PTPRM: variants seen among roughly 807,000 people sequenced by gnomAD.
PTPRM encodes the protein protein tyrosine phosphatase receptor type M, also known as receptor-type tyrosine-protein phosphatase mu.
In PTPRM, 47 loss-of-function variants were observed where a neutral mutation model predicts 186.7. The observed-to-expected ratio is 0.25, with a 90% CI of 0.20 to 0.32. The LOEUF is 0.32. Among genes scored for constraint, PTPRM ranks in the 10% least tolerant of loss-of-function variants. The pLI is 1.00. For missense variants in PTPRM, 1,494 were observed against 1,865.0 expected, an observed-to-expected ratio of 0.80 and a Z score of 3.66; for synonymous variants, 668 against 674.9, an observed-to-expected ratio of 0.99 and a Z score of 0.16.
intron 1 of PTPRM, among the ~76,000 whole-genome samples, chr18:7,719,605 G>A (rs1373333024): frequency 6.6e-6 from 1 of 152,110 alleles, no homozygotes; most frequent in Non-Finnish European, 1.5e-5. Context: ...AATTCATTAG[G>A]TGTAGATAAA....
chr18:7,819,921 C>A (rs2045090332), intron 2 of PTPRM, among the ~76,000 whole-genome samples: 1 of 152,184 alleles, frequency 6.6e-6, no homozygotes, highest in South Asian at 2.1e-4. Context: ...GGGAAGCAGA[C>A]CCCTCCATGA....
chr18:7,761,898 CAG>C (rs1025452073), intron 1 of PTPRM, among the ~76,000 whole-genome samples: 5 of 152,232 alleles, frequency 3.3e-5, no homozygotes, highest in South Asian at 2.1e-4. Flanking sequence ...TTGATGTAGC[CAG>C]AGTGTTCAGT....
chr18:7,984,598 T>TAC (rs1426131645), intron 7 of PTPRM, among the ~76,000 whole-genome samples: 199 of 115,090 alleles, frequency 1.7e-3, no homozygotes, highest in African/African-American at 2.9e-3. Flanking sequence ...TATATATATA[T>TAC]ATATACACAC....
chr18:7,674,513 T>A (rs937777915), intron 1 of PTPRM, among the ~76,000 whole-genome samples: 1 of 152,050 alleles, frequency 6.6e-6, no homozygotes, highest in Non-Finnish European at 1.5e-5. Context: ...GGAGTGAATT[T>A]GCAGCACTCT....
chr18:7,918,762 T>A (rs550063276), intron 4 of PTPRM, among the ~76,000 whole-genome samples: 1 of 152,212 alleles, frequency 6.6e-6, no homozygotes, highest in East Asian at 1.9e-4. Context: ...CTTCACTTTG[T>A]TGATTGTTTC....
rs145851696 is a variant in PTPRM, at chr18:8,359,381, G to T, written c.3055-11509G>T. Reference sequence around the variant, plus strand: ...TGAGCCTATGGAGACACCTGTGCCTGGGCACCTGCCTCCATGGTCACCCCT... The same window carrying T: ...TGAGCCTATGGAGACACCTGTGCCTTGGCACCTGCCTCCATGGTCACCCCT... On this transcript the variant is annotated intron_variant, in intron 23 of 32. Coordinates refer to ENST00000580170, the MANE Select transcript of PTPRM (RefSeq NM_001105244.2). 3.2e-3 allele frequency among the ~76,000 whole-genome samples: 486 copies of T among 152,364 alleles called. 2 individuals are homozygous for T. Among genetic ancestry groups the T allele is most frequent in the South Asian group, 9.7e-3 (47 of 4,830 alleles).
chr18:7,733,771 C>G (rs926677393), intron 1 of PTPRM, among the ~76,000 whole-genome samples: 6 of 152,178 alleles, frequency 3.9e-5, no homozygotes, highest in African/African-American at 1.4e-4. Context: ...TTGAAGAGGC[C>G]AGGCTCCTCC....
At chr18:8,002,116 C>A (rs1015376865) in intron 7 of PTPRM, among the ~76,000 whole-genome samples, 4 of 152,196 alleles carry the variant, frequency 2.6e-5, no homozygotes, top group African/African-American at 9.6e-5. Flanking sequence ...CATTCACACT[C>A]TATCTAGATT....
chr18:8,335,463 C>G, intron 22 of PTPRM, among the ~76,000 whole-genome samples: 1 of 152,170 alleles, frequency 6.6e-6, no homozygotes, highest in Non-Finnish European at 1.5e-5. Flanking sequence ...TGCACCTGCT[C>G]TAAACATTTG....
intron 19 of PTPRM, among the ~76,000 whole-genome samples, chr18:8,276,023 A>T (rs977548682): frequency 3.3e-5 from 5 of 151,470 alleles, no homozygotes; most frequent in African/African-American, 1.2e-4. Context: ...CCTCAATTCC[A>T]CGCCACTGTC....
At chr18:8,017,582 CA>C (rs71354586) in intron 7 of PTPRM, among the ~76,000 whole-genome samples, 1,397 of 64,588 alleles carry the variant, frequency 0.022, 13 homozygotes, top group African/African-American at 0.08. Flanking sequence ...GACTCCTTCT[CA>C]AAAAAAAAAA....
At chr18:8,074,779 T>C (rs1397017057) in intron 8 of PTPRM, among the ~76,000 whole-genome samples, 1 of 152,196 alleles carries the variant, frequency 6.6e-6, no homozygotes, top group East Asian at 1.9e-4. Flanking sequence ...GTTTTAATAT[T>C]GTTACTTTTA....
chr18:7,700,409 C>T (rs1355217023), intron 1 of PTPRM, among the ~76,000 whole-genome samples: 1 of 152,134 alleles, frequency 6.6e-6, no homozygotes, highest in Non-Finnish European at 1.5e-5. Context: ...ATTGGATTGC[C>T]AGACTCTGCC....
chr18:8,331,861 T>G (rs1040812930), intron 22 of PTPRM, among the ~76,000 whole-genome samples: 1 of 152,244 alleles, frequency 6.6e-6, no homozygotes, highest in African/African-American at 2.4e-5. Flanking sequence ...TTCCTTCTGT[T>G]TTTGAAGTCT....
chr18:7,588,365 A>ATTT (rs979747405), intron 1 of PTPRM, among the ~76,000 whole-genome samples: 11 of 152,190 alleles, frequency 7.2e-5, no homozygotes, highest in Non-Finnish European at 1.2e-4. Flanking sequence ...CAGCTAGCAT[A>ATTT]TTTTTGTTAA....
intron 14 of PTPRM, among the ~76,000 whole-genome samples, chr18:8,223,050 C>T (rs546302297): frequency 6.6e-6 from 1 of 152,198 alleles, no homozygotes; most frequent in Admixed American, 6.5e-5. Context: ...ATTGCGAAAC[C>T]CCGTCTCTAC....
intron 1 of PTPRM, among the ~76,000 whole-genome samples, chr18:7,689,852 T>A (rs573633806): frequency 2.0e-5 from 3 of 152,306 alleles, no homozygotes; most frequent in South Asian, 4.1e-4. Context: ...ACACTCAGTG[T>A]TTTTACTGAA....
chr18:8,032,899 T>G (rs569097177), intron 7 of PTPRM, among the ~76,000 whole-genome samples: 1 of 152,178 alleles, frequency 6.6e-6, no homozygotes, highest in South Asian at 2.1e-4. Flanking sequence ...CCCATAGAGA[T>G]TAAGGTTTAA....
chr18:8,020,797 C>T (rs993340609), intron 7 of PTPRM, among the ~76,000 whole-genome samples: 1 of 152,222 alleles, frequency 6.6e-6, no homozygotes, highest in Non-Finnish European at 1.5e-5. Context: ...CCACCCAACA[C>T]AGTCAACACC....
Sources: allele counts gnomAD v4.1 joint callset (sites outside exome capture counted in the v4.1 genomes callset), GRCh38; gene constraint gnomAD v4.1.1; transcripts MANE v1.5; gene names NCBI Gene and HGNC (gene_info 2026-07-23, HGNC 2026-07-21).